The following UHRF1 variants were observed in gnomAD, a reference collection of about 807,000 sequenced individuals.
UHRF1 encodes the protein ubiquitin like with PHD and ring finger domains 1, also known as E3 ubiquitin-protein ligase UHRF1.
A neutral mutation model predicts 96.5 loss-of-function variants in UHRF1; 9 were observed. The observed-to-expected ratio is 0.09, with a 90% CI of 0.06 to 0.16. The LOEUF (loss-of-function observed/expected upper bound fraction) is 0.16. UHRF1 is among the 10% of genes least tolerant of loss of function. The pLI is 1.00. For missense variants in UHRF1, 626 were observed against 1,131.1 expected (o/e 0.55, Z 6.40); for synonymous variants, 455 against 469.9 (o/e 0.97, Z 0.41).
chr19:4,952,784 T>C (rs1298442667), intron 13 of UHRF1, among the ~76,000 whole-genome samples: 4 of 152,082 alleles, frequency 2.6e-5, no homozygotes, highest in South Asian at 4.1e-4. Context: ...ACGTGACTTA[T>C]AGGTACCTTC....
upstream of UHRF1, chr19:4,909,481 G>A (rs966676450): frequency 1.5e-6 from 1 of 653,008 alleles, no homozygotes; most frequent in African/African-American, 1.9e-5. Context: ...CAAATGCCGA[G>A]TTTTCGCGGG....
upstream of UHRF1, among the ~76,000 whole-genome samples, chr19:4,907,986 A>G (rs547095146): frequency 3.3e-5 from 5 of 152,052 alleles, no homozygotes; most frequent in Non-Finnish European, 7.4e-5. Context: ...TGCTGGGATT[A>G]CAGGTGTGAG....
At chr19:4,913,360 C>T (rs2032360915) in intron 2 of UHRF1, among the ~76,000 whole-genome samples, 1 of 149,342 alleles carries the variant, frequency 6.7e-6, no homozygotes, top group Admixed American at 6.8e-5. Context: ...TTCAAGCGAT[C>T]CTCCTGCCTT....
rs987779078 is a variant in UHRF1, at chr19:4,941,692, G to A, written c.887-53G>A. ...GGCACGGGGCGGGGGCTCTTGTCCC[G>A]TCTCTGGCTTGGCCGGGCCCCGCCG... On this transcript the variant is annotated intron_variant, in intron 6 of 16. Transcript: ENST00000650932. 13 of 1,566,694 alleles carry A rather than the reference G, an allele frequency of 8.3e-6. No individual in the cohort carries two copies. The East Asian group carries it at 9.5e-5, about 11-fold the overall frequency.
intron 4 of UHRF1, among the ~76,000 whole-genome samples, chr19:4,932,282 G>A (rs2033077884): frequency 6.6e-6 from 1 of 152,136 alleles, no homozygotes; most frequent in African/African-American, 2.4e-5. Context: ...TGGTCAGGCT[G>A]GTCTTGAACT....
At chr19:4,923,061 C>T (rs1295270766) in intron 2 of UHRF1, among the ~76,000 whole-genome samples, 1 of 152,100 alleles carries the variant, frequency 6.6e-6, no homozygotes, top group Non-Finnish European at 1.5e-5. Flanking sequence ...AGGGGCTGCC[C>T]ATTAGCCTGG....
At chr19:4,934,310 A>G (rs2033153487) in intron 5 of UHRF1, among the ~76,000 whole-genome samples, 2 of 152,170 alleles carry the variant, frequency 1.3e-5, no homozygotes, top group South Asian at 4.1e-4. Flanking sequence ...CTGGGATTAC[A>G]GGCATGAGCC....
chr19:4,906,643 C>T (rs908746191), upstream of UHRF1, among the ~76,000 whole-genome samples: 1 of 152,126 alleles, frequency 6.6e-6, no homozygotes, highest in Non-Finnish European at 1.5e-5. Flanking sequence ...GTTCCTGCTA[C>T]TGGGGAGGCT....
chr19:4,945,339 A>G (rs572492825), intron 9 of UHRF1, among the ~76,000 whole-genome samples: 6 of 151,724 alleles, frequency 4.0e-5, no homozygotes, highest in Admixed American at 6.6e-5. Flanking sequence ...GCTCACTGCA[A>G]CCTCCCTCTC....
At chr19:4,917,734 T>A (rs1785544972) in intron 2 of UHRF1, among the ~76,000 whole-genome samples, 1 of 150,544 alleles carries the variant, frequency 6.6e-6, no homozygotes, top group Admixed American at 6.6e-5. Context: ...CATGGCTTAC[T>A]GCAACCTCTG....
upstream of UHRF1, among the ~76,000 whole-genome samples, chr19:4,909,050 G>A (rs980806769): frequency 6.6e-6 from 1 of 152,194 alleles, no homozygotes; most frequent in Non-Finnish European, 1.5e-5. Flanking sequence ...AGGCAGTGGG[G>A]CTTGGGGCGA....
chr19:4,927,403 A>AAT (rs1555747780), intron 2 of UHRF1, among the ~76,000 whole-genome samples: 17 of 136,118 alleles, frequency 1.2e-4, no homozygotes, highest in Admixed American at 2.9e-4. Flanking sequence ...AAAAAAAAAA[A>AAT]TTTTTTTCTG....
intron 3 of UHRF1, among the ~76,000 whole-genome samples, chr19:4,929,754 T>C (rs1379540369): frequency 2.0e-5 from 3 of 152,198 alleles, no homozygotes; most frequent in Admixed American, 1.3e-4. Flanking sequence ...GCTGCTACCA[T>C]GTAAGATCAG....
intron 10 of UHRF1, 37 bp from the exon 11 acceptor site, chr19:4,947,062 TTGCCTC>T: frequency 6.8e-7 from 1 of 1,464,966 alleles, no homozygotes; most frequent in Non-Finnish European, 9.3e-7. Flanking sequence ...TTTTTTTTTT[TTGCCTC>T]TGCAGAGGGT....
intron 10 of UHRF1, among the ~76,000 whole-genome samples, chr19:4,946,840 T>C (rs1246981753): frequency 6.6e-6 from 1 of 152,186 alleles, no homozygotes; most frequent in Non-Finnish European, 1.5e-5. Flanking sequence ...CCTCCCAAAG[T>C]GCTGGGATTA....
intron 4 of UHRF1, among the ~76,000 whole-genome samples, chr19:4,932,023 C>T (rs1248759171): frequency 3.3e-5 from 5 of 152,104 alleles, no homozygotes; most frequent in Admixed American, 3.3e-4. Flanking sequence ...CCTCTGCCTC[C>T]CGGGTTCAAG....
At position 4,934,771 on chromosome 19, in the gene UHRF1, C is replaced by T. The variant is rs139998370; in HGVS notation, c.785+1815C>T. Among the ~76,000 whole-genome samples the T allele has an allele frequency of 3.7e-4, 56 of 152,194 alleles. No homozygotes were observed. In the East Asian group the frequency reaches 8.3e-3, roughly 23 times the overall value. ...GGACATTTATGGTGCATCTGTGGCC[C>T]GGTAGGGAGGTCAGTGAGCTGCGGG... On this transcript the variant is annotated intron_variant, in intron 5 of 16. Transcript: ENST00000650932.
intron 5 of UHRF1, among the ~76,000 whole-genome samples, chr19:4,938,730 G>GGTTT (rs1568421924): frequency 3.2e-5 from 2 of 61,588 alleles, no homozygotes; most frequent in Non-Finnish European, 5.9e-5. Context: ...TTTTGGTCAG[G>GGTTT]TTTTTTTTTT....
In UHRF1 at chr19:4,944,345, C is replaced by T. The variant is rs775058221; in HGVS notation, c.1200C>T (p.Gly400=). The T allele has an allele frequency of 1.9e-6, 3 of 1,614,042 alleles. No homozygotes were observed. Among genetic ancestry groups the T allele is most frequent in the Admixed American group, 1.7e-5 (1 of 60,030 alleles). The part of the protein sequence containing the change: ...TSSSQRDWGK[G]MACVGRTKEC... ...CTTTGTGTCTGTGCCTGGGACAGGG[C>T]ATGGCCTGTGTGGGCCGCACCAAGG... is the stretch of plus-strand genomic sequence containing the variant. Residue 400 remains glycine (G), a splice_region_variant and synonymous_variant, in exon 9 of 17, where the codon GGC becomes GGT. Coordinates refer to ENST00000650932, the MANE Select transcript of UHRF1 (RefSeq NM_001048201.3).
Sources: allele counts gnomAD v4.1 joint callset (sites outside exome capture counted in the v4.1 genomes callset), GRCh38; gene constraint gnomAD v4.1.1; transcripts MANE v1.5; gene names NCBI Gene and HGNC (gene_info 2026-07-23, HGNC 2026-07-21).